Variants in TCF12 observed in about 807,000 individuals in gnomAD.
TCF12 encodes the protein transcription factor 12.
A neutral mutation model predicts 86.0 loss-of-function variants in TCF12; 45 were observed. The observed-to-expected ratio is 0.52, with a 90% CI of 0.41 to 0.67. The LOEUF (loss-of-function observed/expected upper bound fraction) is 0.67. Ranked by LOEUF, TCF12 falls within the 30% of genes least tolerant of loss-of-function variation. The probability of loss-of-function intolerance (pLI) is 0.00; values close to 1 mark genes in which losing one functional copy is unlikely to be tolerated. For synonymous variants in TCF12, 330 were observed against 299.6 expected (o/e 1.10, Z -1.05); for missense variants, 881 against 859.9 (o/e 1.02, Z -0.31).
intron 3 of TCF12, among the ~76,000 whole-genome samples, chr15:56,971,916 G>C (rs1382869627): frequency 6.6e-6 from 1 of 152,194 alleles, no homozygotes; most frequent in African/African-American, 2.4e-5. Flanking sequence ...GTAGATGGAA[G>C]AAGGGGGTAT....
intron 5 of TCF12, among the ~76,000 whole-genome samples, chr15:57,119,302 T>G (rs1288615095): frequency 1.3e-4 from 19 of 151,412 alleles, no homozygotes; most frequent in Non-Finnish European, 2.2e-4. Flanking sequence ...TTTTTTGTTT[T>G]TTTGGCAGCA....
chr15:57,061,162 T>G (rs1378557040), intron 3 of TCF12, among the ~76,000 whole-genome samples: 1 of 152,214 alleles, frequency 6.6e-6, no homozygotes, highest in Admixed American at 6.5e-5. Context: ...TTTCTTTATT[T>G]TATAGAAGTA....
chr15:57,257,499 A>C (rs560936334), intron 16 of TCF12, among the ~76,000 whole-genome samples: 1 of 152,210 alleles, frequency 6.6e-6, no homozygotes, highest in African/African-American at 2.4e-5. Context: ...ATCTACAAAA[A>C]AAAAATTTTT....
At chr15:57,150,050 C>T (rs2053631384) in intron 5 of TCF12, among the ~76,000 whole-genome samples, 1 of 152,162 alleles carries the variant, frequency 6.6e-6, no homozygotes, top group Non-Finnish European at 1.5e-5. Context: ...TACCCCCACT[C>T]TCTCACTGCC....
intron 3 of TCF12, among the ~76,000 whole-genome samples, chr15:57,027,452 C>T (rs1227025946): frequency 6.6e-6 from 1 of 152,070 alleles, no homozygotes; most frequent in Non-Finnish European, 1.5e-5. Context: ...GCTGATTTGG[C>T]CATTCGTTCG....
intron 3 of TCF12, among the ~76,000 whole-genome samples, chr15:56,966,157 C>G (rs2061991347): frequency 6.6e-6 from 1 of 152,084 alleles, no homozygotes; most frequent in African/African-American, 2.4e-5. Flanking sequence ...TCCTTATTAA[C>G]TATAGTTATT....
chr15:56,958,782 A>G (rs536082819), intron 3 of TCF12, among the ~76,000 whole-genome samples: 8 of 151,964 alleles, frequency 5.3e-5, no homozygotes, highest in African/African-American at 1.9e-4. Flanking sequence ...GAGGCCTGGG[A>G]TGCAGAGACA....
intron 6 of TCF12, among the ~76,000 whole-genome samples, chr15:57,188,695 G>A (rs1018076120): frequency 7.9e-5 from 12 of 152,190 alleles, no homozygotes; most frequent in Admixed American, 2.0e-4. Flanking sequence ...TAGGGAAATA[G>A]TATTATCTTC....
intron 3 of TCF12, among the ~76,000 whole-genome samples, chr15:56,987,083 A>C (rs2063219572): frequency 6.6e-6 from 1 of 152,088 alleles, no homozygotes; most frequent in African/African-American, 2.4e-5. Flanking sequence ...GCAGTAATGC[A>C]ATATTTAGTG....
At chr15:57,057,814 T>C (rs577401422) in intron 3 of TCF12, among the ~76,000 whole-genome samples, 1 of 152,340 alleles carries the variant, frequency 6.6e-6, no homozygotes, top group Admixed American at 6.5e-5. Flanking sequence ...ATTACAGTAA[T>C]GCAGGTCAGA....
At chr15:57,138,510 G>T (rs16977253) in intron 5 of TCF12, among the ~76,000 whole-genome samples, 6,297 of 151,512 alleles carry the variant, frequency 0.042, 364 homozygotes, top group African/African-American at 0.13. Flanking sequence ...TTCCAGACAA[G>T]TACTTCACAG....
At chr15:57,197,173 T>TTTTTTTTTTTTTA (rs60620441) in intron 7 of TCF12, among the ~76,000 whole-genome samples, 6 of 148,480 alleles carry the variant, frequency 4.0e-5, no homozygotes, top group Non-Finnish European at 7.4e-5. Flanking sequence ...TTTTTTTTTT[T>TTTTTTTTTTTTTA]GAGACAGAGG....
At chr15:57,282,708 G>T in intron 20 of TCF12, 110 bp downstream of exon 20, 1 of 1,277,290 alleles carries the variant, frequency 7.8e-7, no homozygotes, top group African/African-American at 1.5e-5. Context: ...CATTGTAAAG[G>T]TCACATGTAA....
At chr15:57,232,256 C>A in intron 9 of TCF12, 35 bp from the exon 10 acceptor site, 1 of 1,609,812 alleles carries the variant, frequency 6.2e-7, no homozygotes, top group Non-Finnish European at 8.5e-7. Flanking sequence ...AAATTTTTAG[C>A]TAAGGAAAAT....
At chr15:57,269,536 G>A (rs2061032319) in intron 18 of TCF12, among the ~76,000 whole-genome samples, 1 of 151,868 alleles carries the variant, frequency 6.6e-6, no homozygotes. Flanking sequence ...TCTTTTAATT[G>A]GGGCACTTAG....
At chr15:57,150,105 C>T (rs145395153) in intron 5 of TCF12, among the ~76,000 whole-genome samples, 4 of 152,230 alleles carry the variant, frequency 2.6e-5, no homozygotes, top group Admixed American at 1.3e-4. Flanking sequence ...GATAATCAAA[C>T]GCAGCCTGGC....
chr15:57,115,662 A>G (rs11636655), intron 5 of TCF12, among the ~76,000 whole-genome samples: 28,044 of 152,148 alleles, frequency 0.18, 3,092 homozygotes, highest in Non-Finnish European at 0.24. Context: ...GTTAATAAGT[A>G]TAATCTGTCA....
At chr15:57,233,187 G>A (rs1388415391) in intron 11 of TCF12, among the ~76,000 whole-genome samples, 1 of 150,986 alleles carries the variant, frequency 6.6e-6, no homozygotes, top group Non-Finnish European at 1.5e-5. Flanking sequence ...TTGTTTGTTT[G>A]TTTGAGACAG....
intron 2 of TCF12, 121 bp from the exon 3 acceptor site, chr15:56,920,905 C>A: frequency 1.5e-6 from 1 of 646,194 alleles, no homozygotes; most frequent in Admixed American, 3.4e-5. Context: ...AATGTATCTC[C>A]AATTTTATTT....
Sources: allele counts gnomAD v4.1 joint callset (sites outside exome capture counted in the v4.1 genomes callset), GRCh38; gene constraint gnomAD v4.1.1; transcripts MANE v1.5; gene names NCBI Gene and HGNC (gene_info 2026-07-23, HGNC 2026-07-21).